ABCA1: variants seen among roughly 807,000 people sequenced by gnomAD.
ABCA1 encodes ATP binding cassette subfamily A member 1.
In ABCA1, 133 loss-of-function variants were observed where a neutral mutation model predicts 262.5. The ratio of observed to expected loss-of-function variants is 0.51; its 90% confidence interval spans 0.44 to 0.59. ABCA1 has a LOEUF of 0.59. Among genes scored for constraint, ABCA1 ranks in the 20% least tolerant of loss-of-function variants. The probability of loss-of-function intolerance (pLI) is 0.00; values close to 1 mark genes in which losing one functional copy is unlikely to be tolerated. For missense variants in ABCA1, 2,452 were observed against 2,777.5 expected (o/e 0.88, Z 2.63); for synonymous variants, 1,022 against 1,043.5 (o/e 0.98, Z 0.40).
chr9:104,818,487 C>T (rs959311656), intron 23 of ABCA1, among the ~76,000 whole-genome samples, 176 bp downstream of exon 23: 5 of 152,138 alleles, frequency 3.3e-5, no homozygotes, highest in African/African-American at 1.2e-4. Flanking sequence ...ACAATGGGAG[C>T]AGAGGGCCCC....
Position 104,861,552 on chromosome 9 carries a change from T to C in ABCA1, c.543+127A>G, listed in dbSNP as rs1836387821. 4.5e-6 allele frequency: 6 copies of C among 1,343,578 alleles called. No individual in the cohort carries two copies. The South Asian group carries it at 7.1e-5, about 16-fold the overall frequency. 83.2% of individuals were successfully genotyped at this position (1,343,578 alleles called of 1,614,324 possible). On this transcript the variant is annotated intron_variant, in intron 6 of 49. Coordinates refer to ENST00000374736, the MANE Select transcript of ABCA1 (RefSeq NM_005502.4). The stretch of plus-strand genomic sequence containing the variant: ...AATAGGGAAGTAAAATTAAGTGAAG[T>C]TGTATTCAAACTACCTCCCTCCCCT...
At chr9:104,881,840 C>T (rs541130306) in intron 5 of ABCA1, among the ~76,000 whole-genome samples, 1 of 152,036 alleles carries the variant, frequency 6.6e-6, no homozygotes, top group East Asian at 2.0e-4. Context: ...GAAACAGCAT[C>T]TCGATGGCCT....
Position 104,781,813 on chromosome 9 carries a change from A to C in ABCA1, c.*2502T>G, listed in dbSNP as rs963823410. 4 of 152,622 alleles carry C rather than the reference A, an allele frequency of 2.6e-5. No homozygotes were observed. The highest frequency in any genetic ancestry group is 5.9e-5 in the Non-Finnish European group (4 of 68,000). 9.5% of individuals were successfully genotyped at this position (152,622 alleles called of 1,614,324 possible). A position where few individuals can be genotyped will look rare whatever the true frequency, so the allele number is the denominator to read the frequency against. On this transcript the variant is annotated 3_prime_UTR_variant, in exon 50 of 50. Transcript: ENST00000374736. ...GAATTTCTGAAACTCACATAGGTACATTCCACAGGGAATATACAGAAATTT... is the reference window on the plus strand; with the variant it reads ...GAATTTCTGAAACTCACATAGGTACCTTCCACAGGGAATATACAGAAATTT...
At chr9:104,821,538 A>C (rs371737644) in intron 19 of ABCA1, 32 bp from the exon 20 acceptor site, 9 of 1,612,792 alleles carry the variant, frequency 5.6e-6, no homozygotes, top group African/African-American at 1.3e-5. Context: ...TACAGAAGTC[A>C]GGGTTGACCT....
chr9:104,806,245 G>A lies in ABCA1; in HGVS notation c.4460C>T (p.Pro1487Leu). The change falls in exon 31 of 50, where the codon CCA becomes CTA. Residue 1487 changes from proline (P) to leucine (L), a missense_variant. Pro to Leu is a moderately conservative substitution (Grantham distance 98). Coordinates refer to ENST00000374736, the MANE Select transcript of ABCA1 (RefSeq NM_005502.4). ...CPPGAGGLPP[P>L]QRKQNTADIL... ...CACCCCCTGAAAGTGACTCACTTGTGGAGGAGGCAGCCCCCCTGCCCCTGG... is the reference window on the plus strand; with the variant it reads ...CACCCCCTGAAAGTGACTCACTTGTAGAGGAGGCAGCCCCCCTGCCCCTGG... The A allele has an allele frequency of 2.5e-6, 4 of 1,612,866 alleles. No individual in the cohort carries two copies. The highest frequency in any genetic ancestry group is 3.4e-6 in the Non-Finnish European group (4 of 1,179,992).
chr9:104,857,669 A>G (rs770696518), intron 7 of ABCA1, among the ~76,000 whole-genome samples: 1 of 152,200 alleles, frequency 6.6e-6, no homozygotes, highest in Non-Finnish European at 1.5e-5. Context: ...AACTCTCTAT[A>G]AAGAATTCGT....
Position 104,788,486 on chromosome 9 carries a change from C to T in ABCA1, c.6009G>A (p.Gly2003=), listed in dbSNP as rs73517882. Residue 2003 remains glycine, a synonymous_variant, in exon 45 of 50, where the codon GGG becomes GGA. Transcript: ENST00000374736. ...QFDAITELLT[G]REHVEFFALL... is the part of the protein sequence containing the mutation. ...GGGCAAAGAACTCCACGTGTTCTCT[C>T]CCAGTCAACAGCTCTGTGATGGCAT... is the stretch of plus-strand genomic sequence containing the variant. 8 of 1,614,212 alleles carry T rather than the reference C, an allele frequency of 5.0e-6. No individual in the cohort carries two copies. The African/African-American group carries it at 8.0e-5, about 16-fold the overall frequency.
chr9:104,831,684 A>C lies in ABCA1; in HGVS notation c.1653T>G (p.His551Gln). The change falls in exon 13 of 50, where the codon CAT becomes CAG. Residue 551 changes from histidine (H) to glutamine (Q), a missense_variant. Coordinates refer to ENST00000374736, the MANE Select transcript of ABCA1 (RefSeq NM_005502.4). ...ITPGSIELPH[H>Q]VKYKIRMDID... is the part of the protein sequence containing the mutation. Reference sequence around the variant, plus strand: ...TGTCCATTCGGATCTTGTACTTGACATGATGGGGCAGCTCAATGCTGCCTG... The same window carrying C: ...TGTCCATTCGGATCTTGTACTTGACCTGATGGGGCAGCTCAATGCTGCCTG... 1 of 1,614,208 alleles carries C rather than the reference A, an allele frequency of 6.2e-7. No homozygotes were observed. Among genetic ancestry groups the C allele is most frequent in the Non-Finnish European group, 8.5e-7 (1 of 1,180,040 alleles).
At chr9:104,897,920 A>ACTCT (rs769917531) in intron 2 of ABCA1, among the ~76,000 whole-genome samples, 69 of 152,196 alleles carry the variant, frequency 4.5e-4, no homozygotes, top group African/African-American at 1.1e-3. Flanking sequence ...TATTAACAAT[A>ACTCT]CTCTCTTCAT....
At chr9:104,803,561 A>G (rs554700711) in intron 32 of ABCA1, among the ~76,000 whole-genome samples, 1 of 152,222 alleles carries the variant, frequency 6.6e-6, no homozygotes, top group Non-Finnish European at 1.5e-5. Flanking sequence ...ACCAATTTAC[A>G]AACCACCTTA....
At chr9:104,905,407 GAGA>G (rs1479573216) in intron 1 of ABCA1, among the ~76,000 whole-genome samples, 2 of 152,214 alleles carry the variant, frequency 1.3e-5, no homozygotes, top group Non-Finnish European at 2.9e-5. Context: ...TGCAGTGTCT[GAGA>G]AGAAAAGACA....
At chr9:104,818,511 C>T (rs1201569548) in intron 23 of ABCA1, 152 bp downstream of exon 23, 4 of 787,066 alleles carry the variant, frequency 5.1e-6, no homozygotes, top group South Asian at 2.9e-5. Flanking sequence ...GCTTTCCATG[C>T]CTTAAGTATG....
At position 104,829,197 on chromosome 9, in the gene ABCA1, G is replaced by A. The variant is rs2066717; in HGVS notation, c.1893-59C>T. The A allele has an allele frequency of 0.07, 109,404 of 1,571,710 alleles. 6,089 individuals are homozygous for A. Among genetic ancestry groups the A allele is most frequent in the East Asian group, 0.37 (16,543 of 44,266 alleles). ...AAAGACACACGTGAGCCAGGGTGATGGGCCAAGGCCTCTGAGCCTGCATGC... is the reference window on the plus strand; with the variant it reads ...AAAGACACACGTGAGCCAGGGTGATAGGCCAAGGCCTCTGAGCCTGCATGC... On this transcript the variant is annotated intron_variant, in intron 14 of 49. Transcript: ENST00000374736.
intron 11 of ABCA1, among the ~76,000 whole-genome samples, chr9:104,835,023 T>G (rs1032355851): frequency 3.5e-4 from 53 of 152,000 alleles, no homozygotes; most frequent in Admixed American, 5.2e-4. Context: ...CTGAGGCAGG[T>G]GGATCACTTG....
intron 46 of ABCA1, 123 bp downstream of exon 46, chr9:104,787,797 G>A (rs1829053950): frequency 7.5e-6 from 12 of 1,600,366 alleles, no homozygotes; most frequent in Non-Finnish European, 9.4e-6. Flanking sequence ...TTCCAAGGTT[G>A]CTCTGCTGTC....
In ABCA1 at chr9:104,796,384, A is replaced by G; in HGVS notation, c.5162T>C (p.Phe1721Ser). The change falls in exon 38 of 50, where the codon TTC becomes TCC. Residue 1721 changes from phenylalanine (F) to serine (S), a missense_variant. By Grantham distance (155) the Phe-to-Ser change is radical. Transcript: ENST00000374736. ...ATAGGACTTCTGCTGGAAGCAGATG[A>G]AGATGATAATGACCAGTGTGGCAGG... ...VVPATLVIII[F>S]ICFQQKSYVS... 1.2e-6 allele frequency: 2 copies of G among 1,614,234 alleles called. No homozygotes were observed. Among genetic ancestry groups the G allele is most frequent in the Non-Finnish European group, 1.7e-6 (2 of 1,180,026 alleles).
At chr9:104,864,949 T>G (rs898320172) in intron 5 of ABCA1, among the ~76,000 whole-genome samples, 7 of 152,190 alleles carry the variant, frequency 4.6e-5, no homozygotes, top group Admixed American at 3.9e-4. Context: ...ACCCAGAGAC[T>G]GATTAAACAG....
At chr9:104,841,643 GC>G (rs36098089) in intron 8 of ABCA1, among the ~76,000 whole-genome samples, 16,483 of 151,958 alleles carry the variant, frequency 0.11, 1,317 homozygotes, top group East Asian at 0.41. Context: ...CCTGGACACT[GC>G]CCTCTACTCA....
At chr9:104,893,384 T>G (rs1320768912) in intron 2 of ABCA1, among the ~76,000 whole-genome samples, 1 of 123,492 alleles carries the variant, frequency 8.1e-6, no homozygotes, top group Middle Eastern at 5.7e-3. Context: ...ATCGCTCCAT[T>G]GCACTCCAGC....
Sources: allele counts gnomAD v4.1 joint callset (sites outside exome capture counted in the v4.1 genomes callset), GRCh38; gene constraint gnomAD v4.1.1; transcripts MANE v1.5; gene names NCBI Gene and HGNC (gene_info 2026-07-23, HGNC 2026-07-21).